Variants in XPNPEP1 observed in about 807,000 individuals in gnomAD.
XPNPEP1 encodes the protein X-prolyl aminopeptidase 1.
Under a neutral mutation model 92.4 loss-of-function variants are expected in XPNPEP1, and 39 were observed. That is an observed-to-expected ratio of 0.42 (90% CI 0.33 to 0.55). The LOEUF (loss-of-function observed/expected upper bound fraction) is 0.55. XPNPEP1 is among the 20% of genes least tolerant of loss of function. XPNPEP1 has a pLI of 0.08. For missense variants in XPNPEP1, 654 were observed against 856.1 expected, an observed-to-expected ratio of 0.76 and a Z score of 2.95; for synonymous variants, 307 against 299.4, an observed-to-expected ratio of 1.03 and a Z score of -0.26.
At chr10:109,904,623 T>G (rs1293482057) in intron 3 of XPNPEP1, among the ~76,000 whole-genome samples, 2 of 152,190 alleles carry the variant, frequency 1.3e-5, no homozygotes, top group African/African-American at 4.8e-5. Flanking sequence ...GGCAAAGGAC[T>G]TGAATAGACA....
intron 1 of XPNPEP1, 61 bp downstream of exon 1, chr10:109,923,341 G>C: frequency 7.2e-7 from 1 of 1,383,664 alleles, no homozygotes; most frequent in Non-Finnish European, 9.4e-7. Flanking sequence ...TGCAACACGC[G>C]CGGCCGCGCA....
chr10:109,882,437 G>C lies in XPNPEP1; in HGVS notation c.1036C>G (p.Pro346Ala). ...GCCAAAGTGGGGTCACCAACCTTGG[G>C]GATGGTCTCGCTCACAGCATAGCTG... ...KASYAVSETI[P>A]KDHRCCMPYT... The change falls in exon 10 of 21, where the codon CCC (proline) becomes GCC (alanine). Residue 346 changes from proline to alanine, a missense_variant. By Grantham distance (27) the Pro-to-Ala change is conservative. Transcript: ENST00000502935. 2 of 1,610,384 alleles carry C rather than the reference G, an allele frequency of 1.2e-6. No homozygotes were observed. The highest frequency in any genetic ancestry group is 1.7e-6 in the Non-Finnish European group (2 of 1,176,964).
intron 10 of XPNPEP1, among the ~76,000 whole-genome samples, chr10:109,881,917 C>A (rs1848122606): frequency 1.3e-5 from 2 of 152,166 alleles, no homozygotes; most frequent in African/African-American, 2.4e-5. Flanking sequence ...CCTCTCTGAG[C>A]CTCAAGTGTC....
At chr10:109,894,438 G>A (rs574267413) in intron 3 of XPNPEP1, among the ~76,000 whole-genome samples, 19 of 151,990 alleles carry the variant, frequency 1.3e-4, no homozygotes, top group Non-Finnish European at 2.6e-4. Context: ...GGCTGAGGTG[G>A]GAGGATAATC....
At chr10:109,905,352 G>T (rs1243894414) in intron 3 of XPNPEP1, among the ~76,000 whole-genome samples, 3 of 152,166 alleles carry the variant, frequency 2.0e-5, no homozygotes, top group Admixed American at 2.0e-4. Flanking sequence ...AGGGATTACA[G>T]GCACGTGCTA....
chr10:109,871,784 C>T lies in XPNPEP1; in HGVS notation c.1522+8G>A. ...AGAGCCTGCCATGTGACAGAATGCA[C>T]CACCTACCTTTGGTTCCAGTCGGGA... On this transcript the variant is annotated splice_region_variant and intron_variant, in intron 17 of 20. Coordinates refer to ENST00000502935, the MANE Select transcript of XPNPEP1 (RefSeq NM_020383.4). 1.9e-6 allele frequency: 3 copies of T among 1,612,942 alleles called. No individual in the cohort carries two copies. Among genetic ancestry groups the T allele is most frequent in the Non-Finnish European group, 2.5e-6 (3 of 1,179,920 alleles).
At chr10:109,900,166 C>T (rs1295621343) in intron 3 of XPNPEP1, among the ~76,000 whole-genome samples, 1 of 152,170 alleles carries the variant, frequency 6.6e-6, no homozygotes, top group Non-Finnish European at 1.5e-5. Context: ...TTGCAGGGAA[C>T]AGCGTGTGGG....
intron 7 of XPNPEP1, among the ~76,000 whole-genome samples, chr10:109,887,164 C>A (rs945811834): frequency 9.5e-4 from 92 of 97,346 alleles, no homozygotes; most frequent in African/African-American, 3.1e-3. Flanking sequence ...AACATTTGCT[C>A]TCCCCTCTCC....
intron 3 of XPNPEP1, among the ~76,000 whole-genome samples, chr10:109,901,266 G>C (rs548634163): frequency 8.8e-6 from 1 of 113,144 alleles, no homozygotes; most frequent in African/African-American, 3.4e-5. Flanking sequence ...GTCATGGGGT[G>C]GGGGGAGGGG....
chr10:109,885,334 C>CA (rs1394881935), intron 8 of XPNPEP1, among the ~76,000 whole-genome samples: 1 of 152,112 alleles, frequency 6.6e-6, no homozygotes, highest in Non-Finnish European at 1.5e-5. Context: ...ATGATATATG[C>CA]ATAGAATATT....
intron 3 of XPNPEP1, among the ~76,000 whole-genome samples, chr10:109,901,313 G>C (rs991403262): frequency 6.6e-6 from 1 of 151,626 alleles, no homozygotes; most frequent in Non-Finnish European, 1.5e-5. Flanking sequence ...TAATGTAAAT[G>C]ATGAGTTAAT....
At chr10:109,895,394 C>T (rs1389979636) in intron 3 of XPNPEP1, among the ~76,000 whole-genome samples, 2 of 152,232 alleles carry the variant, frequency 1.3e-5, no homozygotes, top group African/African-American at 4.8e-5. Context: ...ACCTAGACTT[C>T]TCCATCAGCA....
chr10:109,890,169 A>G (rs2133439428), intron 5 of XPNPEP1, among the ~76,000 whole-genome samples: 1 of 152,166 alleles, frequency 6.6e-6, no homozygotes, highest in Admixed American at 6.5e-5. Context: ...TCCCTCTGCC[A>G]CCCCCTTGCT....
intron 1 of XPNPEP1, among the ~76,000 whole-genome samples, chr10:109,915,349 G>C (rs1382387001): frequency 6.6e-6 from 1 of 152,152 alleles, no homozygotes; most frequent in Non-Finnish European, 1.5e-5. Flanking sequence ...TATTTAACTA[G>C]ACTAAGAAGA....
At chr10:109,865,427 G>GT in intron 20 of XPNPEP1, 115 bp from the exon 21 acceptor site, 13 of 1,361,578 alleles carry the variant, frequency 9.5e-6, no homozygotes, top group Non-Finnish European at 1.3e-5. Context: ...GAGAAAAGGT[G>GT]TGCAACACCC....
intron 16 of XPNPEP1, 146 bp from the exon 17 acceptor site, chr10:109,872,007 A>C (rs1326537798): frequency 6.4e-5 from 50 of 776,392 alleles, no homozygotes; most frequent in Non-Finnish European, 9.6e-5. Flanking sequence ...ATCTGGTGGA[A>C]AAAAAGCCTG....
At chr10:109,882,687 G>T in intron 9 of XPNPEP1, 45 bp from the exon 10 acceptor site, 1 of 1,600,382 alleles carries the variant, frequency 6.2e-7, no homozygotes, top group South Asian at 1.1e-5. Flanking sequence ...GAGGGAACAT[G>T]AGTGAGAGGT....
At chr10:109,905,459 C>T (rs1446428206) in intron 3 of XPNPEP1, among the ~76,000 whole-genome samples, 2 of 152,066 alleles carry the variant, frequency 1.3e-5, no homozygotes, top group African/African-American at 4.8e-5. Context: ...CCGCCTGCCT[C>T]GGCCTCCCAA....
chr10:109,906,812 C>T (rs893393199), intron 3 of XPNPEP1, among the ~76,000 whole-genome samples: 3 of 152,092 alleles, frequency 2.0e-5, no homozygotes, highest in Admixed American at 6.5e-5. Context: ...TCCTCCACCC[C>T]ATCCCTCTAT....
Sources: gnomAD v4.1 joint callset for allele counts (sites outside exome capture counted in the v4.1 genomes callset) on GRCh38, gnomAD v4.1.1 for gene constraint, MANE v1.5 for transcripts, NCBI Gene and HGNC (gene_info 2026-07-23, HGNC 2026-07-21) for gene names.